The following MLLT6 variants were observed in gnomAD, a reference collection of about 807,000 sequenced individuals.
The protein encoded by MLLT6 is protein AF-17.
In MLLT6, 22 loss-of-function variants were observed where a neutral mutation model predicts 103.0. That is an observed-to-expected ratio of 0.21 (90% CI 0.15 to 0.31). MLLT6 has a LOEUF of 0.31. Among genes scored for constraint, MLLT6 ranks in the 10% least tolerant of loss-of-function variants. MLLT6 has a pLI of 1.00. For missense variants in MLLT6, 1,199 were observed against 1,441.7 expected, an observed-to-expected ratio of 0.83 and a Z score of 2.73; for synonymous variants, 606 against 623.5, an observed-to-expected ratio of 0.97 and a Z score of 0.42.
chr17:38,709,325 C>T lies in MLLT6; in HGVS notation c.458+49C>T, dbSNP rs754109386. On this transcript the variant is annotated intron_variant, in intron 5 of 19. Transcript: ENST00000621332. This position sits in a 1 kb window ranked among gnomAD's most constrained non-coding sequence, Gnocchi z 4.3. The stretch of plus-strand genomic sequence containing the variant: ...TGCCCCCCGGGTTTGTCCTGGATGG[C>T]CACTGATCAGGCTCATCCTAGCTGC... The T allele has an allele frequency of 1.3e-6, 2 of 1,493,910 alleles. No homozygotes were observed. Among genetic ancestry groups the T allele is most frequent in the Admixed American group, 3.3e-5 (2 of 59,792 alleles). The allele number at this position is 1,493,910 out of a possible 1,614,324, so 92.5% of individuals were successfully genotyped here. A position where few individuals can be genotyped will look rare whatever the true frequency, so the allele number is the denominator to read the frequency against.
In MLLT6 at chr17:38,726,852, T is replaced by C. The variant is rs1906060146; in HGVS notation, c.*1254T>C. On this transcript the variant is annotated 3_prime_UTR_variant, in exon 20 of 20. Coordinates refer to ENST00000621332, the MANE Select transcript of MLLT6 (RefSeq NM_005937.4). ...CCACCAACCAGGGGAGCCACTAAGC[T>C]GACTAACAACTGTCCCCTCACCCAC... is the stretch of plus-strand genomic sequence containing the variant. The C allele has an allele frequency of 1.3e-5, 3 of 233,614 alleles. No homozygotes were observed. The highest frequency in any genetic ancestry group is 2.5e-5 in the Non-Finnish European group (3 of 118,060). 14.5% of individuals were successfully genotyped at this position (233,614 alleles called of 1,614,324 possible).
Position 38,720,584 on chromosome 17 carries a change from C to A in MLLT6, c.2353+15C>A. 6.2e-7 allele frequency: 1 copy of A among 1,612,470 alleles called. No homozygotes were observed. Among genetic ancestry groups the A allele is most frequent in the South Asian group, 1.1e-5 (1 of 91,020 alleles). ...GCCTCCCCAAGGTGAGGGGATCCTG[C>A]CCAGCCCGGGAGAGAGGCCCGTGCC... On this transcript the variant is annotated intron_variant, in intron 15 of 19. Transcript: ENST00000621332.
At chr17:38,721,534 C>T (rs910959556) in intron 16 of MLLT6, among the ~76,000 whole-genome samples, 1 of 152,198 alleles carries the variant, frequency 6.6e-6, no homozygotes, top group Non-Finnish European at 1.5e-5. Context: ...GTTACTTAAC[C>T]TGTGCAAGAA....
chr17:38,712,679 C>A lies in MLLT6; in HGVS notation c.721-12C>A. ...CCCCCAGCACAATATCTAGTCACCTCTCCCTCTCCAGAGTCGAAAGGACAA... is the reference window on the plus strand; with the variant it reads ...CCCCCAGCACAATATCTAGTCACCTATCCCTCTCCAGAGTCGAAAGGACAA... On this transcript the variant is annotated splice_polypyrimidine_tract_variant and intron_variant, in intron 7 of 19. Transcript: ENST00000621332. The A allele has an allele frequency of 2.5e-6, 4 of 1,593,842 alleles. No homozygotes were observed. The highest frequency in any genetic ancestry group is 3.4e-6 in the Non-Finnish European group (4 of 1,161,632).
At position 38,729,778 on chromosome 17, in the gene MLLT6, C is replaced by CAAA. The variant is rs879210230; in HGVS notation, c.*4195_*4197dup. 2.5e-5 allele frequency: 3 copies of CAAA among 118,770 alleles called. No homozygotes were observed. Among genetic ancestry groups the CAAA allele is most frequent in the East Asian group, 1.2e-4 (1 of 8,676 alleles). 7.4% of individuals were successfully genotyped at this position (118,770 alleles called of 1,614,324 possible). Reference sequence around the variant, plus strand: ...GTTCTTTTAATAAAAGAATGTTTTGCAAAAAAAAAAAAAAAAATCCGAAGA... The same window carrying CAAA: ...GTTCTTTTAATAAAAGAATGTTTTGCAAAAAAAAAAAAAAAAAAAATCCGAAGA... On this transcript the variant is annotated 3_prime_UTR_variant, in exon 20 of 20. Transcript: ENST00000621332.
Position 38,709,217 on chromosome 17 carries a change from C to T in MLLT6, c.399C>T (p.Ala133=), listed in dbSNP as rs766583206. The part of the protein sequence containing the change: ...CEEQGRESKA[A]SGACMTCNRH... ...AGCAGGGCCGGGAGAGCAAGGCGGC[C>T]TCGGGAGCCTGCATGACCTGTAACC... The change falls in exon 5 of 20, where the codon GCC becomes GCT. Residue 133 remains alanine, a synonymous_variant. Transcript: ENST00000621332. This position sits in a 1 kb window ranked among gnomAD's most constrained non-coding sequence, Gnocchi z 4.3. 1.9e-6 allele frequency: 3 copies of T among 1,612,856 alleles called. No homozygotes were observed. The highest frequency in any genetic ancestry group is 1.7e-6 in the Non-Finnish European group (2 of 1,179,542).
chr17:38,716,560 C>G lies in MLLT6; in HGVS notation c.1230C>G (p.Ser410=), dbSNP rs1466170593. Residue 410 remains serine, a synonymous_variant, in exon 10 of 20, where the codon TCC becomes TCG. Transcript: ENST00000621332. The surrounding 1 kb of genome is among the most constrained non-coding windows in gnomAD (Gnocchi z 5.6). ...FSGFGPIMRF[S]TTTSSSGRAR... ...GCTTTGGGCCCATCATGCGCTTCTCCACCACCACCTCCAGCTCAGGCCGGG... is the reference window on the plus strand; with the variant it reads ...GCTTTGGGCCCATCATGCGCTTCTCGACCACCACCTCCAGCTCAGGCCGGG... 2.5e-6 allele frequency: 4 copies of G among 1,614,144 alleles called. No homozygotes were observed. The South Asian group carries it at 4.4e-5, about 18-fold the overall frequency.
rs1905538637 is a variant in MLLT6 at position 38,719,321 on chromosome 17, G to A, written c.1943-196G>A. ...AGCCCAGAGGAGGAAGAGAGCAGAT[G>A]CCCGGGGTTTGCCTCCCAGGGGCAG... On this transcript the variant is annotated intron_variant, in intron 12 of 19. Coordinates refer to ENST00000621332, the MANE Select transcript of MLLT6 (RefSeq NM_005937.4). The A allele has an allele frequency of 3.4e-6, 2 of 594,462 alleles. 1 individual carries two copies. The highest frequency in any genetic ancestry group is 4.0e-5 in the South Asian group (2 of 49,956). 36.8% of individuals were successfully genotyped at this position (594,462 alleles called of 1,614,324 possible).
chr17:38,726,254 G>A lies in MLLT6; in HGVS notation c.*656G>A, dbSNP rs1438679793. 8.5e-6 allele frequency: 2 copies of A among 234,072 alleles called. No homozygotes were observed. The highest frequency in any genetic ancestry group is 1.7e-5 in the Non-Finnish European group (2 of 118,432). 14.5% of individuals were successfully genotyped at this position (234,072 alleles called of 1,614,324 possible). A position where few individuals can be genotyped will look rare whatever the true frequency, so the allele number is the denominator to read the frequency against. ...GTGATGGGGAGGAGAGGGCAGGTGC[G>A]GGGAGGCTCTGGCCTTCCTTGGTGC... is the stretch of plus-strand genomic sequence containing the variant. On this transcript the variant is annotated 3_prime_UTR_variant, in exon 20 of 20. Coordinates refer to ENST00000621332, the MANE Select transcript of MLLT6 (RefSeq NM_005937.4).
At position 38,724,898 on chromosome 17, in the gene MLLT6, T is replaced by C; in HGVS notation, c.3162T>C (p.Pro1054=). 1 of 1,555,006 alleles carries C rather than the reference T, an allele frequency of 6.4e-7. No homozygotes were observed. The highest frequency in any genetic ancestry group is 8.7e-7 in the Non-Finnish European group (1 of 1,149,336). The change falls in exon 19 of 20, where the codon CCT becomes CCC. Residue 1054 remains proline (P), a synonymous_variant. Coordinates refer to ENST00000621332, the MANE Select transcript of MLLT6 (RefSeq NM_005937.4). The surrounding 1 kb of genome is among the most constrained non-coding windows in gnomAD (Gnocchi z 5.4). ...CAGCAGTAGCAGCAGCAGGCGGACC[T>C]CCAGTCCTCACTGCCCAGACCAACC... is the stretch of plus-strand genomic sequence containing the variant. ...AAAAVAAAGG[P]PVLTAQTNPF... is the part of the protein sequence containing the mutation.
At position 38,715,776 on chromosome 17, in the gene MLLT6, CTCT is replaced by C. The variant is rs749105834; in HGVS notation, c.990_992del (p.Ser338del). 31 of 1,612,224 alleles carry C rather than the reference CTCT, an allele frequency of 1.9e-5. No homozygotes were observed. The highest frequency in any genetic ancestry group is 3.3e-5 in the South Asian group (3 of 90,644). On this transcript the variant is annotated inframe_deletion, in exon 9 of 20. Transcript: ENST00000621332. The stretch of plus-strand genomic sequence containing the variant: ...GTGTGAGCAGTTTTACCTCCGCCTC[CTCT>C]TCTTCCTCCTCCTCTTCCTCCTCCT...
At chr17:38,717,747 T>A in intron 11 of MLLT6, 98 bp from the exon 12 acceptor site, 1 of 1,366,700 alleles carries the variant, frequency 7.3e-7, no homozygotes, top group Non-Finnish European at 1.0e-6. Context: ...TCTGGACCCC[T>A]CTGCTCCCCA....
At chr17:38,708,662 G>A (rs560127588) in intron 4 of MLLT6, among the ~76,000 whole-genome samples, 4 of 152,198 alleles carry the variant, frequency 2.6e-5, no homozygotes, top group Non-Finnish European at 5.9e-5. Context: ...TTGGGAGGCT[G>A]AGGGGGGTGG....
At position 38,726,399 on chromosome 17, in the gene MLLT6, G is replaced by C. The variant is rs550355516; in HGVS notation, c.*801G>C. Reference sequence around the variant, plus strand: ...TGTGTGTGTGTGTGTGTGTGTGTGTGTGTCTGTCTGCCTGTCTCTCTCCTC... The same window carrying C: ...TGTGTGTGTGTGTGTGTGTGTGTGTCTGTCTGTCTGCCTGTCTCTCTCCTC... On this transcript the variant is annotated 3_prime_UTR_variant, in exon 20 of 20. Coordinates refer to ENST00000621332, the MANE Select transcript of MLLT6 (RefSeq NM_005937.4). 6.7e-3 allele frequency: 1,568 copies of C among 233,820 alleles called. 8 individuals carry two copies. The highest frequency in any genetic ancestry group is 9.1e-3 in the Non-Finnish European group (1,080 of 118,834). The allele number at this position is 233,820 out of a possible 1,614,324, so 14.5% of individuals were successfully genotyped here. A position where few individuals can be genotyped will look rare whatever the true frequency, so the allele number is the denominator to read the frequency against.
At chr17:38,717,767 G>C in intron 11 of MLLT6, 78 bp from the exon 12 acceptor site, 1 of 1,400,026 alleles carries the variant, frequency 7.1e-7, no homozygotes, top group African/African-American at 1.4e-5. Context: ...AGCACACCCG[G>C]CCCCCTGCAC....
chr17:38,725,651 T>G lies in MLLT6; in HGVS notation c.*53T>G, dbSNP rs1157829915. On this transcript the variant is annotated 3_prime_UTR_variant, in exon 20 of 20. Transcript: ENST00000621332. ...CAAGTGGAGGGAACAGATCCTGGCC[T>G]GAGGGGTCCTAGCCTGGAGCAGGCG... The G allele has an allele frequency of 6.8e-7, 1 of 1,464,792 alleles. No individual in the cohort carries two copies. The highest frequency in any genetic ancestry group is 9.3e-7 in the Non-Finnish European group (1 of 1,076,648). 90.7% of individuals were successfully genotyped at this position (1,464,792 alleles called of 1,614,324 possible).
chr17:38,709,668 TAGG>T lies in MLLT6; in HGVS notation c.552+98_552+100del, dbSNP rs947914865. 3 of 973,558 alleles carry T rather than the reference TAGG, an allele frequency of 3.1e-6. No homozygotes were observed. The highest frequency in any genetic ancestry group is 4.9e-6 in the Non-Finnish European group (3 of 615,638). 60.3% of individuals were successfully genotyped at this position (973,558 alleles called of 1,614,324 possible). A position where few individuals can be genotyped will look rare whatever the true frequency, so the allele number is the denominator to read the frequency against. On this transcript the variant is annotated intron_variant, in intron 6 of 19. Coordinates refer to ENST00000621332, the MANE Select transcript of MLLT6 (RefSeq NM_005937.4). The surrounding 1 kb of genome is among the most constrained non-coding windows in gnomAD (Gnocchi z 4.3). ...TCTGGGCCAGGCCAGTGCCTGGTGC[TAGG>T]AGGACAGAGAGGGAAAAAACCCAGT...
In MLLT6 at chr17:38,709,125, A is replaced by G. The variant is rs1905049949; in HGVS notation, c.355-48A>G. 3.4e-6 allele frequency: 5 copies of G among 1,461,772 alleles called. No homozygotes were observed. Among genetic ancestry groups the G allele is most frequent in the Non-Finnish European group, 4.7e-6 (5 of 1,055,066 alleles). The allele number at this position is 1,461,772 out of a possible 1,614,324, so 90.6% of individuals were successfully genotyped here. On this transcript the variant is annotated intron_variant, in intron 4 of 19. Coordinates refer to ENST00000621332, the MANE Select transcript of MLLT6 (RefSeq NM_005937.4). This position sits in a 1 kb window ranked among gnomAD's most constrained non-coding sequence, Gnocchi z 4.3. Reference sequence around the variant, plus strand: ...AGGGGGTGGCCTAAGGACCATCAGTAGAACAGGGGCTCCCTGGAGGAGGGG... The same window carrying G: ...AGGGGGTGGCCTAAGGACCATCAGTGGAACAGGGGCTCCCTGGAGGAGGGG...
intron 8 of MLLT6, 31 bp downstream of exon 8, chr17:38,712,820 G>A (rs1464652018): frequency 5.2e-6 from 8 of 1,543,662 alleles, no homozygotes; most frequent in Non-Finnish European, 6.3e-6. Flanking sequence ...GAGGGATGGT[G>A]TGTGGGTCTG....
Sources: allele counts gnomAD v4.1 joint callset (sites outside exome capture counted in the v4.1 genomes callset), GRCh38; gene constraint gnomAD v4.1.1; non-coding constraint Gnocchi (gnomAD v3.1); transcripts MANE v1.5; gene names NCBI Gene and HGNC (gene_info 2026-07-23, HGNC 2026-07-21).